Variants in SPTAN1 observed in about 807,000 individuals in gnomAD.
SPTAN1 encodes spectrin alpha, non-erythrocytic 1, also known as spectrin alpha chain, non-erythrocytic 1.
Under a neutral mutation model 331.3 loss-of-function variants are expected in SPTAN1, and 61 were observed. The ratio of observed to expected loss-of-function variants is 0.18; its 90% confidence interval spans 0.15 to 0.23. SPTAN1 has a LOEUF of 0.23. SPTAN1 is among the 10% of genes least tolerant of loss of function. SPTAN1 has a pLI of 1.00. For missense variants in SPTAN1, 2,043 were observed against 3,147.9 expected, an observed-to-expected ratio of 0.65 and a Z score of 8.40; for synonymous variants, 1,153 against 1,173.9, an observed-to-expected ratio of 0.98 and a Z score of 0.36.
chr9:128,627,309 C>T lies in SPTAN1; in HGVS notation c.6577-77C>T, dbSNP rs1231266681. 2.5e-5 allele frequency: 34 copies of T among 1,365,090 alleles called. No homozygotes were observed. In the Admixed American group the frequency reaches 6.6e-4, roughly 26 times the overall value. The allele number at this position is 1,365,090 out of a possible 1,614,324, so 84.6% of individuals were successfully genotyped here. ...TTCCTTGTGGGGAGGCCACCACCAC[C>T]CTGAGCCCATCTGTGAAGGAGGGGC... On this transcript the variant is annotated intron_variant, in intron 49 of 56. Coordinates refer to ENST00000372739, the MANE Select transcript of SPTAN1 (RefSeq NM_001130438.3). The surrounding 1 kb of genome is among the most constrained non-coding windows in gnomAD (Gnocchi z 4.9).
chr9:128,631,951 G>A (rs1243088209), intron 52 of SPTAN1, 176 bp from the exon 53 acceptor site: 1 of 654,382 alleles, frequency 1.5e-6, no homozygotes, highest in Non-Finnish European at 2.6e-6. Context: ...CCTCTATTGA[G>A]GTGGTTGGGA....
chr9:128,574,907 A>G, intron 4 of SPTAN1, 92 bp downstream of exon 4: 3 of 1,578,646 alleles, frequency 1.9e-6, no homozygotes. Context: ...GTGTTAGCAC[A>G]GATACGGCCA....
chr9:128,590,715 G>A (rs1853373643), intron 21 of SPTAN1, among the ~76,000 whole-genome samples: 1 of 152,012 alleles, frequency 6.6e-6, no homozygotes, highest in Admixed American at 6.6e-5. Flanking sequence ...GCTGTGCGTG[G>A]TGGCGTGCAC....
chr9:128,608,999 C>T (rs1319047955), intron 35 of SPTAN1, 22 bp downstream of exon 35: 29 of 1,613,848 alleles, frequency 1.8e-5, no homozygotes, highest in Non-Finnish European at 2.4e-5. Context: ...GTGGCACTGA[C>T]ATAGTCACCA....
At chr9:128,586,567 A>G (rs148914024) in intron 19 of SPTAN1, among the ~76,000 whole-genome samples, 19 of 152,310 alleles carry the variant, frequency 1.2e-4, no homozygotes, top group African/African-American at 4.3e-4. Flanking sequence ...TTACATACAT[A>G]CTAACATACC....
chr9:128,632,703 C>T lies in SPTAN1; in HGVS notation c.7145C>T (p.Thr2382Met), dbSNP rs796053331. ...CCTGAGTTCGAGGCAATCCTGGACA[C>T]GGTGGATCCGAACAGGTAAATTAAT... Reference protein sequence around the residue: ...PDPEFEAILDTVDPNRDGHVS... With the variant: ...PDPEFEAILDMVDPNRDGHVS... The change falls in exon 55 of 57, where the codon ACG becomes ATG. Residue 2382 changes from threonine to methionine, a missense_variant. Thr to Met is a moderately conservative substitution (Grantham distance 81). Around this residue, in one of 12 missense-constraint regions of SPTAN1, gnomAD observed 58 missense variants for 74.0 expected, o/e 0.78. Transcript: ENST00000372739. 4.3e-6 allele frequency: 7 copies of T among 1,613,872 alleles called. No individual in the cohort carries two copies. The East Asian group carries it at 6.7e-5, about 15-fold the overall frequency.
At chr9:128,628,085 C>G in intron 51 of SPTAN1, 143 bp downstream of exon 51, 2 of 1,017,450 alleles carry the variant, frequency 2.0e-6, no homozygotes, top group Non-Finnish European at 3.1e-6. Context: ...CTTCTCGTCA[C>G]CTGATGAGGA....
rs1370841778 is a variant in SPTAN1, at chr9:128,632,818, G to A, written c.7171G>A (p.Val2391Ile). 1 of 1,613,998 alleles carries A rather than the reference G, an allele frequency of 6.2e-7. No individual in the cohort carries two copies. The highest frequency in any genetic ancestry group is 8.5e-7 in the Non-Finnish European group (1 of 1,180,046). The change falls in exon 56 of 57, where the codon GTC becomes ATC. Residue 2391 changes from valine (V) to isoleucine (I), a missense_variant. By Grantham distance (29) the Val-to-Ile change is conservative. Coordinates refer to ENST00000372739, the MANE Select transcript of SPTAN1 (RefSeq NM_001130438.3). ...TTCCCCCGCTCCTAGAGATGGCCATGTCTCCTTGCAAGAATACATGGCTTT... is the reference window on the plus strand; with the variant it reads ...TTCCCCCGCTCCTAGAGATGGCCATATCTCCTTGCAAGAATACATGGCTTT... Reference protein sequence around the residue: ...DTVDPNRDGHVSLQEYMAFMI... With the variant: ...DTVDPNRDGHISLQEYMAFMI...
chr9:128,558,912 A>C (rs1848968013), intron 1 of SPTAN1, among the ~76,000 whole-genome samples: 2 of 152,234 alleles, frequency 1.3e-5, no homozygotes, highest in Non-Finnish European at 2.9e-5. Flanking sequence ...AGTCTGCAGA[A>C]ATGACCCTTT....
intron 31 of SPTAN1, among the ~76,000 whole-genome samples, chr9:128,606,323 C>T (rs1394357189): frequency 2.4e-5 from 3 of 126,840 alleles, no homozygotes; most frequent in Non-Finnish European, 4.8e-5. Context: ...TGCAGTGAGC[C>T]GAGATCGCAC....
At chr9:128,632,542 T>C (rs769287410) in intron 54 of SPTAN1, 30 bp from the exon 55 acceptor site, 1 of 1,614,152 alleles carries the variant, frequency 6.2e-7, no homozygotes, top group Non-Finnish European at 8.5e-7. Context: ...CAGGGCTGCC[T>C]GCTGAGCCGC....
Position 128,625,223 on chromosome 9 carries a change from A to G in SPTAN1, c.6069+44A>G, listed in dbSNP as rs779287600. The G allele has an allele frequency of 6.3e-6, 10 of 1,583,350 alleles. No homozygotes were observed. In the Middle Eastern group the frequency reaches 5.0e-4, roughly 79 times the overall value. ...ACTGGTTGAAATGTATGCAGATAGC[A>G]TCTGTGAGATGACTGGTGGCGTCTT... On this transcript the variant is annotated intron_variant, in intron 47 of 56. Transcript: ENST00000372739. This position sits in a 1 kb window ranked among gnomAD's most constrained non-coding sequence, Gnocchi z 4.1.
chr9:128,564,784 T>A (rs1448118139), intron 1 of SPTAN1, among the ~76,000 whole-genome samples: 1 of 152,064 alleles, frequency 6.6e-6, no homozygotes, highest in Admixed American at 6.6e-5. Flanking sequence ...TGTTGAGATA[T>A]AAATAAATAA....
intron 23 of SPTAN1, 128 bp from the exon 24 acceptor site, chr9:128,594,047 G>C (rs1853892592): frequency 1.2e-6 from 1 of 841,780 alleles, no homozygotes; most frequent in South Asian, 1.4e-5. Context: ...CTGTTACTAG[G>C]GCATCATCAT....
chr9:128,618,483 A>T (rs1207574161), intron 43 of SPTAN1, among the ~76,000 whole-genome samples: 1 of 150,876 alleles, frequency 6.6e-6, no homozygotes, highest in Non-Finnish European at 1.5e-5. Context: ...CTTTTTTGTG[A>T]ATGTTTTTGT....
chr9:128,606,904 T>G (rs1405312851), intron 31 of SPTAN1, among the ~76,000 whole-genome samples: 1 of 152,196 alleles, frequency 6.6e-6, no homozygotes, highest in Non-Finnish European at 1.5e-5. Context: ...CCTCTCTAGT[T>G]TTGGAACATT....
chr9:128,578,009 T>G lies in SPTAN1; in HGVS notation c.1086-101T>G, dbSNP rs75341829. The G allele has an allele frequency of 1.3e-4, 166 of 1,320,430 alleles. No individual in the cohort carries two copies. The East Asian group carries it at 3.6e-3, about 29-fold the overall frequency. 81.8% of individuals were successfully genotyped at this position (1,320,430 alleles called of 1,614,324 possible). A position where few individuals can be genotyped will look rare whatever the true frequency, so the allele number is the denominator to read the frequency against. ...TCCCAGAATTAGAATTTATATAGTT[T>G]GTTAGACATTTGAGAACATAGAATT... On this transcript the variant is annotated intron_variant, in intron 8 of 56. Coordinates refer to ENST00000372739, the MANE Select transcript of SPTAN1 (RefSeq NM_001130438.3).
In SPTAN1 at chr9:128,584,764, A is replaced by G. The variant is rs764460035; in HGVS notation, c.2481A>G (p.Gln827=). 1.6e-5 allele frequency: 26 copies of G among 1,614,228 alleles called. 1 individual carries two copies. In the East Asian group the frequency reaches 5.1e-4, roughly 32 times the overall value. ...TCCAGAATCTGCTAAAGAAACATCAAGCCTTACAAGCAGAAATTGCTGGAC... is the reference window on the plus strand; with the variant it reads ...TCCAGAATCTGCTAAAGAAACATCAGGCCTTACAAGCAGAAATTGCTGGAC... ...IGVQNLLKKH[Q]ALQAEIAGHE... is the part of the protein sequence containing the mutation. The change falls in exon 18 of 57, where the codon CAA becomes CAG. Residue 827 remains glutamine, a synonymous_variant. Transcript: ENST00000372739.
chr9:128,612,663 C>T lies in SPTAN1; in HGVS notation c.5043+417C>T, dbSNP rs1463148325. Among the ~76,000 whole-genome samples the T allele has an allele frequency of 3.3e-5, 5 of 152,198 alleles. No individual in the cohort carries two copies. In the South Asian group the frequency reaches 6.2e-4, roughly 19 times the overall value. On this transcript the variant is annotated intron_variant, in intron 39 of 56. Coordinates refer to ENST00000372739, the MANE Select transcript of SPTAN1 (RefSeq NM_001130438.3). ...GGTTTTGGCCAGGTGCAGTGGCTCA[C>T]GCCTGTAATCCCAACACTTTGGGAG...
Sources: allele counts gnomAD v4.1 joint callset (sites outside exome capture counted in the v4.1 genomes callset), GRCh38; gene constraint gnomAD v4.1.1; regional missense constraint gnomAD v4.1.1; non-coding constraint Gnocchi (gnomAD v3.1); transcripts MANE v1.5; gene names NCBI Gene and HGNC (gene_info 2026-07-23, HGNC 2026-07-21).